The following SPINK5 variants were observed in gnomAD, a reference collection of about 807,000 sequenced individuals.
SPINK5 encodes the protein serine protease inhibitor Kazal-type 5.
In SPINK5, 125 loss-of-function variants were observed where a neutral mutation model predicts 151.8. The ratio of observed to expected loss-of-function variants is 0.82; its 90% CI spans 0.71 to 0.96. The LOEUF is 0.96. Ranked by LOEUF, SPINK5 falls within the 40% of genes least tolerant of loss-of-function variation. The pLI is 0.00. For missense variants in SPINK5, 1,194 were observed against 1,291.9 expected, an observed-to-expected ratio of 0.92 and a Z score of 1.16; for synonymous variants, 374 against 395.3, an observed-to-expected ratio of 0.95 and a Z score of 0.64.
At chr5:148,133,320 A>C (rs1290971231) in intron 31 of SPINK5, among the ~76,000 whole-genome samples, 2 of 152,226 alleles carry the variant, frequency 1.3e-5, no homozygotes, top group Non-Finnish European at 2.9e-5. Context: ...AAACAAGTAC[A>C]TGTCTGATTC....
At chr5:148,117,995 C>T (rs138593848) in intron 22 of SPINK5, among the ~76,000 whole-genome samples, 1 of 151,894 alleles carries the variant, frequency 6.6e-6, no homozygotes, top group African/African-American at 2.4e-5. Context: ...CTGCAGATGC[C>T]AGACCTAGAT....
chr5:148,115,815 C>T (rs2113174813), intron 21 of SPINK5, among the ~76,000 whole-genome samples: 1 of 151,534 alleles, frequency 6.6e-6, no homozygotes, highest in South Asian at 2.1e-4. Context: ...GTTAATTGCT[C>T]ACCTTGTCTT....
Position 148,131,266 on chromosome 5 carries a change from A to G in SPINK5, c.2972A>G (p.Glu991Gly). 6.2e-7 allele frequency: 1 copy of G among 1,613,766 alleles called. No homozygotes were observed. The highest frequency in any genetic ancestry group is 8.5e-7 in the Non-Finnish European group (1 of 1,179,724). Residue 991 changes from glutamate to glycine, a missense_variant, in exon 31 of 33, where the codon GAG (glutamate) becomes GGG (glycine). Transcript: ENST00000256084. ...SPDSFSSLDS[E>G]MCKDYRVLPR... ...TATTTTTTGCTTCTTCAGGATTCTG[A>G]GATGTGCAAAGACTACCGAGTATTG... is the stretch of plus-strand genomic sequence containing the variant.
At chr5:148,123,997 T>C in intron 27 of SPINK5, 37 bp downstream of exon 27, 2 of 1,611,962 alleles carry the variant, frequency 1.2e-6, no homozygotes, top group Non-Finnish European at 1.7e-6. Context: ...TTGATAGTTG[T>C]GCCTGTTTGC....
chr5:148,124,713 C>T, intron 27 of SPINK5, 52 bp from the exon 28 acceptor site: 1 of 1,416,586 alleles, frequency 7.1e-7, no homozygotes, highest in Middle Eastern at 2.3e-4. Context: ...AAAGACAATT[C>T]AGTAACAACC....
chr5:148,113,058 G>T lies in SPINK5; in HGVS notation c.1887+124G>T, dbSNP rs1753986695. On this transcript the variant is annotated intron_variant, in intron 20 of 32. Coordinates refer to ENST00000256084, the MANE Select transcript of SPINK5 (RefSeq NM_006846.4). ...AACTAGGGGTTCATTTAGTCCAGGG[G>T]TTGAGAAACTTTTTCTTAACAGAAC... is the stretch of plus-strand genomic sequence containing the variant. 3 of 1,481,498 alleles carry T rather than the reference G, an allele frequency of 2.0e-6. No homozygotes were observed. The East Asian group carries it at 7.5e-5, about 37-fold the overall frequency. 91.8% of individuals were successfully genotyped at this position (1,481,498 alleles called of 1,614,324 possible). A position where few individuals can be genotyped will look rare whatever the true frequency, so the allele number is the denominator to read the frequency against.
At chr5:148,123,229 G>A (rs1754320565) in intron 26 of SPINK5, among the ~76,000 whole-genome samples, 1 of 151,366 alleles carries the variant, frequency 6.6e-6, no homozygotes, top group South Asian at 2.1e-4. Context: ...GCACATGCCT[G>A]TAGTTCTAGC....
intron 6 of SPINK5, 76 bp downstream of exon 6, chr5:148,088,681 T>A: frequency 7.1e-7 from 1 of 1,406,570 alleles, no homozygotes; most frequent in Non-Finnish European, 1.0e-6. Context: ...CTCCTCTTCC[T>A]TCTTAGGTGG....
At chr5:148,117,168 A>G (rs1476701191) in intron 22 of SPINK5, among the ~76,000 whole-genome samples, 5 of 152,158 alleles carry the variant, frequency 3.3e-5, no homozygotes, top group African/African-American at 1.2e-4. Context: ...TCACTTCCAG[A>G]TCTGACAAAG....
Position 148,070,364 on chromosome 5 carries a change from A to G in SPINK5, c.123A>G (p.Lys41=). 1 of 1,612,770 alleles carries G rather than the reference A, an allele frequency of 6.2e-7. No individual in the cohort carries two copies. The highest frequency in any genetic ancestry group is 8.5e-7 in the Non-Finnish European group (1 of 1,179,248). The change falls in exon 3 of 33, where the codon AAA becomes AAG. Residue 41 remains lysine, a synonymous_variant. Coordinates refer to ENST00000256084, the MANE Select transcript of SPINK5 (RefSeq NM_006846.4). The part of the protein sequence containing the change: ...HEFQAFMKNG[K]LFCPQDKKFF... ...TTCAGGCATTTATGAAAAATGGAAA[A>G]CTGTTCTGTCCCCAGGATAAGAAAT... is the stretch of plus-strand genomic sequence containing the variant.
At chr5:148,117,271 C>G (rs1366044991) in intron 22 of SPINK5, among the ~76,000 whole-genome samples, 1 of 152,152 alleles carries the variant, frequency 6.6e-6, no homozygotes, top group Admixed American at 6.5e-5. Flanking sequence ...TAAGGAATAG[C>G]CCTGTTGATT....
At chr5:148,102,676 C>G (rs1030017489) in intron 15 of SPINK5, among the ~76,000 whole-genome samples, 6 of 152,042 alleles carry the variant, frequency 3.9e-5, no homozygotes, top group African/African-American at 1.4e-4. Context: ...ATAGGAAATA[C>G]ATATGATTAC....
chr5:148,086,709 C>T (rs999994257), intron 5 of SPINK5, among the ~76,000 whole-genome samples, 177 bp downstream of exon 5: 2 of 151,614 alleles, frequency 1.3e-5, no homozygotes, highest in African/African-American at 4.8e-5. Flanking sequence ...TATAGCATAA[C>T]ACTTTATATT....
intron 27 of SPINK5, 21 bp from the exon 28 acceptor site, chr5:148,124,744 T>TC: frequency 6.5e-7 from 1 of 1,544,404 alleles, no homozygotes; most frequent in Non-Finnish European, 8.7e-7. Context: ...TACCCTATCT[T>TC]TTTTTTTAAT....
intron 18 of SPINK5, among the ~76,000 whole-genome samples, chr5:148,110,225 CAT>C (rs1753889577): frequency 6.6e-6 from 1 of 152,164 alleles, no homozygotes; most frequent in Non-Finnish European, 1.5e-5. Flanking sequence ...CAGTGTCACA[CAT>C]ATCTTAAGTA....
At chr5:148,068,794 C>A (rs547143375) in intron 2 of SPINK5, among the ~76,000 whole-genome samples, 10 of 152,046 alleles carry the variant, frequency 6.6e-5, no homozygotes, top group South Asian at 4.1e-4. Context: ...TTCCAAAGGC[C>A]TATTCTAAAG....
intron 32 of SPINK5, 146 bp downstream of exon 32, chr5:148,134,033 C>T (rs770929725): frequency 5.3e-6 from 4 of 760,174 alleles, no homozygotes; most frequent in South Asian, 4.3e-5. Context: ...CACATTTTCA[C>T]TATAAGGATA....
intron 32 of SPINK5, among the ~76,000 whole-genome samples, chr5:148,135,013 T>G (rs548011681): frequency 2.6e-5 from 4 of 152,132 alleles, no homozygotes; most frequent in African/African-American, 9.6e-5. Context: ...TAGTTTCACA[T>G]TAGCAGCTGA....
At chr5:148,093,011 A>C (rs919918846) in intron 8 of SPINK5, among the ~76,000 whole-genome samples, 1 of 151,968 alleles carries the variant, frequency 6.6e-6, no homozygotes, top group Non-Finnish European at 1.5e-5. Flanking sequence ...GTGGTCTCCC[A>C]TTTGGGTGAG....
Sources: gnomAD v4.1 joint callset for allele counts (sites outside exome capture counted in the v4.1 genomes callset) on GRCh38, gnomAD v4.1.1 for gene constraint, MANE v1.5 for transcripts, NCBI Gene and HGNC (gene_info 2026-07-23, HGNC 2026-07-21) for gene names.